The following ARFRP1 variants were observed in gnomAD, a reference collection of about 807,000 sequenced individuals.
ARFRP1 encodes the protein ARF related protein 1.
ARFRP1 carries 19 observed loss-of-function variants against 30.3 expected under a neutral mutation model. The observed-to-expected ratio is 0.63, with a 90% CI of 0.44 to 0.92. The LOEUF is 0.92. Ranked by LOEUF, ARFRP1 falls within the 40% of genes least tolerant of loss-of-function variation. ARFRP1 has a pLI of 0.00. For missense variants in ARFRP1, 245 were observed against 267.5 expected, an observed-to-expected ratio of 0.92 and a Z score of 0.59; for synonymous variants, 133 against 114.2, an observed-to-expected ratio of 1.16 and a Z score of -1.05.
At position 63,700,313 on chromosome 20, in the gene ARFRP1, G is replaced by T; in HGVS notation, c.*130C>A. 2 of 1,354,926 alleles carry T rather than the reference G, an allele frequency of 1.5e-6. No homozygotes were observed. The highest frequency in any genetic ancestry group is 2.0e-6 in the Non-Finnish European group (2 of 998,918). The allele number at this position is 1,354,926 out of a possible 1,614,324, so 83.9% of individuals were successfully genotyped here. On this transcript the variant is annotated 3_prime_UTR_variant, in exon 8 of 8. Transcript: ENST00000622789. ...GACATAGAGGAAAGTTTGTCTTCGAGAAAACAAAGTAAATAGAAGAACCCC... is the reference window on the plus strand; with the variant it reads ...GACATAGAGGAAAGTTTGTCTTCGATAAAACAAAGTAAATAGAAGAACCCC...
chr20:63,699,510 CCA>C lies in ARFRP1; in HGVS notation c.*931_*932del, dbSNP rs1198049262. ...TCCAGGAGGGAAGGGATGGACAGAG[CCA>C]CACTCGCCGTCTTTATTTTGCACTC... On this transcript the variant is annotated 3_prime_UTR_variant, in exon 8 of 8. Transcript: ENST00000622789. 6.6e-6 allele frequency: 1 copy of C among 152,422 alleles called. No individual in the cohort carries two copies. The highest frequency in any genetic ancestry group is 1.9e-4 in the East Asian group (1 of 5,260). 9.4% of individuals were successfully genotyped at this position (152,422 alleles called of 1,614,324 possible).
At chr20:63,706,574 G>A (rs1177141742) in intron 3 of ARFRP1, 77 bp downstream of exon 3, 2 of 1,518,608 alleles carry the variant, frequency 1.3e-6, no homozygotes, top group Admixed American at 1.7e-5. Context: ...CAGGGCTGTG[G>A]CCACGGGCCA....
At chr20:63,703,420 C>T (rs1354554489) in intron 4 of ARFRP1, 1 of 152,206 alleles carries the variant, frequency 6.6e-6, no homozygotes, top group Non-Finnish European at 1.5e-5. Flanking sequence ...GCCCCCCCAC[C>T]CCCAGGAACT....
chr20:63,705,880 C>T (rs2091430879), intron 4 of ARFRP1: 1 of 424,958 alleles, frequency 2.4e-6, no homozygotes, highest in Admixed American at 3.0e-5. Context: ...TTGAACATTC[C>T]CAGACACTTG....
chr20:63,704,090 G>A (rs1568761447), intron 4 of ARFRP1: 1 of 152,284 alleles, frequency 6.6e-6, no homozygotes, highest in Non-Finnish European at 1.5e-5. Flanking sequence ...GAACCCAGGA[G>A]CTGAGGTCCT....
chr20:63,706,897 T>C, intron 2 of ARFRP1, 102 bp downstream of exon 2: 1 of 1,404,498 alleles, frequency 7.1e-7, no homozygotes, highest in Middle Eastern at 1.8e-4. Flanking sequence ...TCAGGTGAAA[T>C]TTGGCTTCCG....
chr20:63,706,121 A>G, intron 4 of ARFRP1: 1 of 486,758 alleles, frequency 2.1e-6, no homozygotes, highest in Non-Finnish European at 3.8e-6. Flanking sequence ...CACTGGCCCC[A>G]TCGCAGGGAA....
Position 63,706,722 on chromosome 20 carries a change from G to A in ARFRP1, c.110C>T (p.Ser37Leu), listed in dbSNP as rs1568771304. ...GTAGTTCTTGTTAAATCGGGTTTTC[G>A]ACTGCTCCAGGAAGGTCTGAGGAGA... ...NAGKTTFLEQ[S>L]KTRFNKNYKG... The change falls in exon 3 of 8, where the codon TCG (serine) becomes TTG (leucine). Residue 37 changes from serine (S) to leucine (L), a missense_variant. Transcript: ENST00000622789. 5.0e-6 allele frequency: 8 copies of A among 1,613,450 alleles called. No individual in the cohort carries two copies. The highest frequency in any genetic ancestry group is 1.7e-5 in the Admixed American group (1 of 60,002).
chr20:63,706,252 A>G lies in ARFRP1; in HGVS notation c.264+105T>C. 3 of 1,061,534 alleles carry G rather than the reference A, an allele frequency of 2.8e-6. No individual in the cohort carries two copies. The South Asian group carries it at 3.9e-5, about 14-fold the overall frequency. 65.8% of individuals were successfully genotyped at this position (1,061,534 alleles called of 1,614,324 possible). ...CAGGACCAGAGAGAAAACCCGAGGG[A>G]CAGAGTGGGTAAGGAAAACTGCTGA... On this transcript the variant is annotated intron_variant, in intron 4 of 7. Coordinates refer to ENST00000622789, the MANE Select transcript of ARFRP1 (RefSeq NM_001267547.3).
chr20:63,698,830 G>A lies in ARFRP1; in HGVS notation c.*1613C>T. The A allele has an allele frequency of 5.7e-6, 2 of 348,578 alleles. No individual in the cohort carries two copies. Among genetic ancestry groups the A allele is most frequent in the South Asian group, 8.4e-5 (1 of 11,952 alleles). The allele number at this position is 348,578 out of a possible 1,614,324, so 21.6% of individuals were successfully genotyped here. A position where few individuals can be genotyped will look rare whatever the true frequency, so the allele number is the denominator to read the frequency against. On this transcript the variant is annotated 3_prime_UTR_variant, in exon 8 of 8. Coordinates refer to ENST00000622789, the MANE Select transcript of ARFRP1 (RefSeq NM_001267547.3). ...CAGACCCTCCCTGGGAGGATCAGTG[G>A]GGAGTGCCACCTCTGCCCCCAGTGG...
chr20:63,701,171 G>A (rs531970195), intron 6 of ARFRP1: 1 of 496,938 alleles, frequency 2.0e-6, no homozygotes, highest in South Asian at 1.5e-5. Flanking sequence ...TCCTCCGAGG[G>A]GAGACCCCTG....
intron 1 of ARFRP1, 67 bp from the exon 2 acceptor site, chr20:63,707,164 G>T: frequency 7.1e-7 from 1 of 1,408,518 alleles, no homozygotes; most frequent in Non-Finnish European, 9.7e-7. Flanking sequence ...CTTCTCCACG[G>T]TGGTCAGTGG....
intron 2 of ARFRP1, 29 bp downstream of exon 2, chr20:63,706,970 A>C (rs2091507300): frequency 6.2e-7 from 1 of 1,611,574 alleles, no homozygotes; most frequent in African/African-American, 1.3e-5. Context: ...GGCCGTGGGA[A>C]AGGTGCGCGC....
intron 3 of ARFRP1, 65 bp downstream of exon 3, chr20:63,706,586 C>G: frequency 2.0e-6 from 3 of 1,532,222 alleles, no homozygotes; most frequent in Non-Finnish European, 2.7e-6. Context: ...CACGGGCCAG[C>G]TGGACTGTGA....
In ARFRP1 at chr20:63,701,863, G is replaced by T; in HGVS notation, c.384C>A (p.Pro128=). Residue 128 remains proline, a synonymous_variant, in exon 6 of 8, where the codon CCC becomes CCA. Coordinates refer to ENST00000622789, the MANE Select transcript of ARFRP1 (RefSeq NM_001267547.3). ...VVTSEALCGV[P]VLVLANKQDV... is the part of the protein sequence containing the mutation. ...CCTGCTTGTTGGCCAGCACCAAGAC[G>T]GGGACACCGCACAGCGCCTCGCTGG... 1 of 1,550,520 alleles carries T rather than the reference G, an allele frequency of 6.4e-7. No individual in the cohort carries two copies. Among genetic ancestry groups the T allele is most frequent in the Non-Finnish European group, 8.7e-7 (1 of 1,147,084 alleles).
At chr20:63,701,405 C>T (rs577268440) in intron 6 of ARFRP1, 77 of 528,538 alleles carry the variant, frequency 1.5e-4, no homozygotes, top group Admixed American at 4.5e-4. Context: ...TGAGGGGCTG[C>T]CCTGGGGGTG....
At chr20:63,700,838 C>T in intron 6 of ARFRP1, 136 bp from the exon 7 acceptor site, 2 of 1,184,786 alleles carry the variant, frequency 1.7e-6, no homozygotes, top group Non-Finnish European at 2.4e-6. Context: ...CAGTGTCTCC[C>T]ACAGAGACCA....
Position 63,702,193 on chromosome 20 carries a change from T to A in ARFRP1, c.289A>T (p.Ile97Phe), listed in dbSNP as rs2091250150. ...DKYYAECHGV[I>F]YVIDSTDEER... ...TCGTCGGTGGAGTCAATGACGTAGA[T>A]GACGCCGTGACACTCCGCATAATAC... The change falls in exon 5 of 8, where the codon ATC becomes TTC. Residue 97 changes from isoleucine to phenylalanine, a missense_variant. Coordinates refer to ENST00000622789, the MANE Select transcript of ARFRP1 (RefSeq NM_001267547.3). 3.7e-6 allele frequency: 6 copies of A among 1,611,820 alleles called. No homozygotes were observed. In the South Asian group the frequency reaches 6.6e-5, roughly 18 times the overall value.
At chr20:63,702,090 C>T (rs1381247438) in intron 5 of ARFRP1, 46 bp downstream of exon 5, 1 of 1,588,312 alleles carries the variant, frequency 6.3e-7, no homozygotes, top group Non-Finnish European at 8.6e-7. Flanking sequence ...CTGGACCTGC[C>T]CCCACTCACC....
Sources: allele counts gnomAD v4.1 joint callset, GRCh38; gene constraint gnomAD v4.1.1; transcripts MANE v1.5; gene names NCBI Gene and HGNC (gene_info 2026-07-23, HGNC 2026-07-21).